The following REV3L variants were observed in gnomAD, a reference collection of about 807,000 sequenced individuals.
The protein encoded by REV3L is REV3 like, DNA directed polymerase zeta catalytic subunit.
A neutral mutation model predicts 299.4 loss-of-function variants in REV3L; 69 were observed. That is an observed-to-expected ratio of 0.23 (90% CI 0.19 to 0.28). The LOEUF (loss-of-function observed/expected upper bound fraction) is 0.28. Among genes scored for constraint, REV3L ranks in the 10% least tolerant of loss-of-function variants. The probability of loss-of-function intolerance (pLI) is 1.00; values close to 1 mark genes in which losing one functional copy is unlikely to be tolerated. For synonymous variants in REV3L, 1,238 were observed against 1,271.4 expected (o/e 0.97, Z 0.56); for missense variants, 3,128 against 3,693.8 (o/e 0.85, Z 3.97).
rs754520879 is a variant in REV3L, at chr6:111,367,326, T to C, written c.6462A>G (p.Ser2154=). 2 of 1,608,038 alleles carry C rather than the reference T, an allele frequency of 1.2e-6. No individual in the cohort carries two copies. The highest frequency in any genetic ancestry group is 1.3e-5 in the African/African-American group (1 of 74,528). ...GCTTTAAGAAGTTCTCAAAAGCCAA[T>C]GAAGGCAGCTCCTCTACTGGTGATG... ...RPSSPVEELP[S]LAFENFLKPI... is the part of the protein sequence containing the mutation. Residue 2154 remains serine (S), a synonymous_variant, in exon 14 of 32, where the codon TCA becomes TCG. Coordinates refer to ENST00000368802, the MANE Select transcript of REV3L (RefSeq NM_001372078.1).
intron 16 of REV3L, among the ~76,000 whole-genome samples, chr6:111,362,415 T>C (rs1032767876): frequency 7.2e-5 from 11 of 152,188 alleles, no homozygotes; most frequent in East Asian, 3.8e-4. Context: ...CACTTAAAAA[T>C]TGAATTATAA....
At chr6:111,472,004 A>C (rs1792278637) in intron 1 of REV3L, 11 of 1,199,484 alleles carry the variant, frequency 9.2e-6, no homozygotes, top group Non-Finnish European at 1.1e-5. Context: ...ACCAAAATAA[A>C]TTACTTACTT....
intron 1 of REV3L, among the ~76,000 whole-genome samples, chr6:111,438,014 A>ATTTTTTTTTTT (rs113741430): frequency 1.4e-5 from 2 of 146,664 alleles, no homozygotes; most frequent in Non-Finnish European, 3.0e-5. Context: ...CACCTGCCTA[A>ATTTTTTTTTTT]TTTTTTTTTT....
At chr6:111,442,959 T>C (rs1358235357) in intron 1 of REV3L, among the ~76,000 whole-genome samples, 1 of 151,156 alleles carries the variant, frequency 6.6e-6, no homozygotes, top group Non-Finnish European at 1.5e-5. Flanking sequence ...TGGGACAGGA[T>C]TTCACTTTGT....
chr6:111,350,974 G>A (rs1220521310), intron 19 of REV3L, among the ~76,000 whole-genome samples: 1 of 151,944 alleles, frequency 6.6e-6, no homozygotes, highest in African/African-American at 2.4e-5. Context: ...ACACTACTTT[G>A]TTTTAGTTAG....
Position 111,373,903 on chromosome 6 carries a change from T to G in REV3L, c.4452A>C (p.Ser1484=), listed in dbSNP as rs757263788. ...GTTTTACTCTTTCAGGTTTAAAATT[T>G]GACATATCTAAAATAAAGCCCCTTT... ...QKQRGFILDM[S]NFKPERVKPR... Residue 1484 remains serine, a synonymous_variant, in exon 13 of 32, where the codon TCA becomes TCC. Transcript: ENST00000368802. The G allele has an allele frequency of 5.0e-6, 8 of 1,614,020 alleles. No homozygotes were observed. The Admixed American group carries it at 1.3e-4, about 27-fold the overall frequency.
At chr6:111,377,059 C>T (rs1780385837) in intron 12 of REV3L, among the ~76,000 whole-genome samples, 1 of 152,124 alleles carries the variant, frequency 6.6e-6, no homozygotes, top group Non-Finnish European at 1.5e-5. Context: ...AAATAATATG[C>T]TTTACATTAT....
chr6:111,300,206 G>C (rs956630463), intron 31 of REV3L, 50 bp from the exon 32 acceptor site: 1 of 1,459,478 alleles, frequency 6.9e-7, no homozygotes, highest in Admixed American at 2.4e-5. Flanking sequence ...TTTTATGCGT[G>C]TATGCAAACA....
intron 31 of REV3L, among the ~76,000 whole-genome samples, chr6:111,301,293 G>A (rs1204073230): frequency 6.6e-6 from 1 of 152,162 alleles, no homozygotes. Context: ...ACCTTCATCA[G>A]TAATTCTAGT....
chr6:111,326,412 T>A (rs2114803247), intron 25 of REV3L, among the ~76,000 whole-genome samples: 1 of 152,092 alleles, frequency 6.6e-6, no homozygotes, highest in Middle Eastern at 3.4e-3. Flanking sequence ...ATGAGATATC[T>A]TCTCACCCCA....
intron 21 of REV3L, among the ~76,000 whole-genome samples, chr6:111,337,726 C>T (rs138053545): frequency 1.3e-5 from 2 of 152,236 alleles, no homozygotes; most frequent in African/African-American, 4.8e-5. Context: ...ACATTTTAAT[C>T]TGCATTGTTT....
chr6:111,483,561 T>C (rs1794038573), upstream of REV3L: 3 of 480,938 alleles, frequency 6.2e-6, no homozygotes, highest in Admixed American at 4.8e-5. Context: ...TTTTGGCGGC[T>C]ATGCAGGATT....
intron 10 of REV3L, 123 bp downstream of exon 10, chr6:111,381,202 T>C (rs966793362): frequency 3.2e-6 from 3 of 949,706 alleles, no homozygotes; most frequent in Admixed American, 5.2e-5. Context: ...TCATATTCAG[T>C]AGAGTGTTTA....
Position 111,405,493 on chromosome 6 carries a change from T to G in REV3L, c.542A>C (p.Lys181Thr). The G allele has an allele frequency of 6.3e-7, 1 of 1,595,984 alleles. No individual in the cohort carries two copies. The highest frequency in any genetic ancestry group is 8.5e-7 in the Non-Finnish European group (1 of 1,174,418). The change falls in exon 4 of 32, where the codon AAG becomes ACG. Residue 181 changes from lysine to threonine, a missense_variant. This residue lies in a region of REV3L where 2,409 missense variants were observed against 2,611.8 expected (regional missense o/e 0.92). Coordinates refer to ENST00000368802, the MANE Select transcript of REV3L (RefSeq NM_001372078.1). ...ACTTTTCCTTCTTGCTTTTCGGAAC[T>G]TGACAGCAGCCAGATTTATTAAATT... ...GMNLINLAAV[K>T]FRKARRKSNT...
At chr6:111,364,842 C>T (rs1475141035) in intron 15 of REV3L, among the ~76,000 whole-genome samples, 4 of 151,650 alleles carry the variant, frequency 2.6e-5, no homozygotes, top group Non-Finnish European at 5.9e-5. Context: ...TCTTTTACTA[C>T]TTAGTAAAAT....
chr6:111,312,711 C>T (rs909077687), intron 28 of REV3L: 5 of 152,288 alleles, frequency 3.3e-5, no homozygotes, highest in African/African-American at 1.2e-4. Context: ...GCATGCGCCA[C>T]CACACCCAGA....
At chr6:111,466,167 T>C (rs923945629) in intron 1 of REV3L, among the ~76,000 whole-genome samples, 5 of 152,222 alleles carry the variant, frequency 3.3e-5, no homozygotes, top group Non-Finnish European at 7.3e-5. Flanking sequence ...TTTCTAGTAA[T>C]TCATTTTTAA....
At chr6:111,318,024 C>T (rs1005854656) in intron 26 of REV3L, among the ~76,000 whole-genome samples, 2 of 152,062 alleles carry the variant, frequency 1.3e-5, no homozygotes, top group African/African-American at 2.4e-5. Flanking sequence ...TGGACTATTA[C>T]GAACAAAGCT....
intron 31 of REV3L, among the ~76,000 whole-genome samples, chr6:111,302,135 G>T (rs911131622): frequency 7.2e-5 from 11 of 152,170 alleles, no homozygotes; most frequent in African/African-American, 2.2e-4. Flanking sequence ...TAAGTAGACT[G>T]GTTACTGTAT....
Sources: gnomAD v4.1 joint callset for allele counts (sites outside exome capture counted in the v4.1 genomes callset) on GRCh38, gnomAD v4.1.1 for gene constraint, gnomAD v4.1.1 regional missense constraint, MANE v1.5 for transcripts, NCBI Gene and HGNC (gene_info 2026-07-23, HGNC 2026-07-21) for gene names.